Variants in PLCL1 observed in about 807,000 individuals in gnomAD.
PLCL1 encodes inactive phospholipase C-like protein 1.
PLCL1 carries 41 observed loss-of-function variants against 84.4 expected under a neutral mutation model. The ratio of observed to expected loss-of-function variants is 0.49; its 90% confidence interval spans 0.38 to 0.63. The LOEUF (loss-of-function observed/expected upper bound fraction) is 0.63. Ranked by LOEUF, PLCL1 falls within the 30% of genes least tolerant of loss-of-function variation. The pLI, the probability that PLCL1 is intolerant of heterozygous loss-of-function variation, is 0.00. For missense variants in PLCL1, 1,206 were observed against 1,367.8 expected, an observed-to-expected ratio of 0.88 and a Z score of 1.87; for synonymous variants, 490 against 488.3, an observed-to-expected ratio of 1.00 and a Z score of -0.05.
Position 198,089,015 on chromosome 2 carries a change from G to T in PLCL1, c.2873G>T (p.Gly958Val), listed in dbSNP as rs1383775052. 1 of 1,614,008 alleles carries T rather than the reference G, an allele frequency of 6.2e-7. No individual in the cohort carries two copies. ...AGCTTTCCTTACCTGGAGCCTCTGGGTGCAATTCCAGATGTGCAGAAAAAG... is the reference window on the plus strand; with the variant it reads ...AGCTTTCCTTACCTGGAGCCTCTGGTTGCAATTCCAGATGTGCAGAAAAAG... The part of the protein sequence containing the change: ...KDSFPYLEPL[G>V]AIPDVQKKML... Residue 958 changes from glycine to valine, a missense_variant, in exon 3 of 6, where the codon GGT becomes GTT. By Grantham distance (109) the Gly-to-Val change is moderately radical. Transcript: ENST00000428675.
At chr2:197,888,914 A>C (rs1687966703) in intron 1 of PLCL1, among the ~76,000 whole-genome samples, 2 of 152,180 alleles carry the variant, frequency 1.3e-5, no homozygotes, top group Non-Finnish European at 2.9e-5. Flanking sequence ...CTAGTATTGA[A>C]AAGTAAATTA....
At chr2:197,927,730 G>C (rs1688859235) in intron 1 of PLCL1, among the ~76,000 whole-genome samples, 1 of 152,134 alleles carries the variant, frequency 6.6e-6, no homozygotes. Context: ...TCCTTCATGG[G>C]TCAAACTTTT....
rs1011487343 is a variant in PLCL1 at position 198,115,805 on chromosome 2, C to A, written c.3105+11869C>A. ...CTAGAACAGTATGGGGGAAACCACC[C>A]CCATGATTCAATTATTTCTGTTTGG... On this transcript the variant is annotated intron_variant, in intron 5 of 5. Coordinates refer to ENST00000428675, the MANE Select transcript of PLCL1 (RefSeq NM_006226.4). 3.3e-5 allele frequency among the ~76,000 whole-genome samples: 5 copies of A among 151,602 alleles called. No homozygotes were observed. The South Asian group carries it at 1.0e-3, about 31-fold the overall frequency.
At chr2:197,870,470 A>G (rs1406439335) in intron 1 of PLCL1, among the ~76,000 whole-genome samples, 1 of 152,068 alleles carries the variant, frequency 6.6e-6, no homozygotes, top group South Asian at 2.1e-4. Context: ...TGTAGGGACT[A>G]GAGATGGACA....
chr2:197,939,855 C>T (rs578066109), intron 1 of PLCL1, among the ~76,000 whole-genome samples: 2 of 151,746 alleles, frequency 1.3e-5, no homozygotes, highest in Non-Finnish European at 2.9e-5. Flanking sequence ...AGAGTCAATG[C>T]CCTAGGTGGG....
intron 1 of PLCL1, among the ~76,000 whole-genome samples, chr2:197,892,980 C>CCAT (rs1688058919): frequency 6.6e-6 from 1 of 151,916 alleles, no homozygotes; most frequent in South Asian, 2.1e-4. Flanking sequence ...GGGCAAGAGA[C>CCAT]CATCTCAAAA....
chr2:197,977,433 C>T (rs890791643), intron 1 of PLCL1, among the ~76,000 whole-genome samples: 3 of 152,156 alleles, frequency 2.0e-5, no homozygotes, highest in African/African-American at 7.2e-5. Context: ...ACAATTAGAA[C>T]CTCTTCTGGC....
At chr2:197,868,139 G>C (rs1049706558) in intron 1 of PLCL1, among the ~76,000 whole-genome samples, 1 of 152,176 alleles carries the variant, frequency 6.6e-6, no homozygotes, top group African/African-American at 2.4e-5. Flanking sequence ...TGGAAGTTTT[G>C]TGAACCTTTT....
At chr2:197,985,515 T>G (rs554783197) in intron 1 of PLCL1, among the ~76,000 whole-genome samples, 20 of 152,324 alleles carry the variant, frequency 1.3e-4, no homozygotes, top group African/African-American at 4.6e-4. Flanking sequence ...TATAGGGCCT[T>G]CTGCCTGTGT....
chr2:198,137,893 G>A (rs754473986), intron 5 of PLCL1, among the ~76,000 whole-genome samples: 1 of 152,136 alleles, frequency 6.6e-6, no homozygotes, highest in Non-Finnish European at 1.5e-5. Flanking sequence ...AACCCCCAGA[G>A]TCCAGCCTGG....
At chr2:198,041,625 G>A (rs1228261524) in intron 1 of PLCL1, among the ~76,000 whole-genome samples, 1 of 152,166 alleles carries the variant, frequency 6.6e-6, no homozygotes, top group Non-Finnish European at 1.5e-5. Flanking sequence ...ACAATTAAAT[G>A]TTCAACTGTG....
intron 1 of PLCL1, among the ~76,000 whole-genome samples, chr2:197,852,838 T>A (rs1687264797): frequency 6.6e-6 from 1 of 152,194 alleles, no homozygotes; most frequent in African/African-American, 2.4e-5. Context: ...TATGTATCTA[T>A]GTCTGTCTAT....
At chr2:198,026,974 A>G (rs959025248) in intron 1 of PLCL1, among the ~76,000 whole-genome samples, 3 of 152,124 alleles carry the variant, frequency 2.0e-5, no homozygotes, top group African/African-American at 7.2e-5. Context: ...TCAAAAAACT[A>G]AAAAAAGAAC....
intron 1 of PLCL1, among the ~76,000 whole-genome samples, chr2:198,027,781 G>C (rs1574257175): frequency 6.6e-6 from 1 of 152,176 alleles, no homozygotes; most frequent in African/African-American, 2.4e-5. Flanking sequence ...GTAAACATTA[G>C]GGAAAGCTGG....
intron 1 of PLCL1, among the ~76,000 whole-genome samples, chr2:198,038,134 G>C (rs928883755): frequency 6.6e-6 from 1 of 152,132 alleles, no homozygotes; most frequent in Admixed American, 6.5e-5. Flanking sequence ...CATAAACCTT[G>C]TAAGAGTCAG....
intron 1 of PLCL1, among the ~76,000 whole-genome samples, chr2:198,042,801 A>C (rs1208899144): frequency 5.3e-5 from 8 of 152,200 alleles, no homozygotes; most frequent in African/African-American, 1.7e-4. Context: ...GGAGAAACAG[A>C]AAAGCAATAA....
intron 1 of PLCL1, among the ~76,000 whole-genome samples, chr2:198,030,915 T>C (rs1226855115): frequency 6.6e-6 from 1 of 152,160 alleles, no homozygotes; most frequent in African/African-American, 2.4e-5. Context: ...GGCACAAGAG[T>C]CTGCTAAGGA....
At chr2:197,877,475 T>A (rs1687756780) in intron 1 of PLCL1, among the ~76,000 whole-genome samples, 1 of 152,112 alleles carries the variant, frequency 6.6e-6, no homozygotes, top group South Asian at 2.1e-4. Context: ...GAAGTGATAC[T>A]CTCATAGTGT....
chr2:197,995,153 G>A (rs1269672074), intron 1 of PLCL1, among the ~76,000 whole-genome samples: 1 of 152,108 alleles, frequency 6.6e-6, no homozygotes, highest in Non-Finnish European at 1.5e-5. Context: ...GTTTTATAAT[G>A]TCAGCCTTCT....
Sources: allele counts gnomAD v4.1 joint callset (sites outside exome capture counted in the v4.1 genomes callset), GRCh38; gene constraint gnomAD v4.1.1; transcripts MANE v1.5; gene names NCBI Gene and HGNC (gene_info 2026-07-23, HGNC 2026-07-21).